DLGAP1: variants seen among roughly 807,000 people sequenced by gnomAD.
The protein encoded by DLGAP1 is disks large-associated protein 1.
A neutral mutation model predicts 90.8 loss-of-function variants in DLGAP1; 11 were observed. The observed-to-expected ratio is 0.12, with a 90% CI of 0.08 to 0.20. The LOEUF is 0.20. Ranked by LOEUF, DLGAP1 falls within the 10% of genes least tolerant of loss-of-function variation. The pLI is 1.00. For synonymous variants in DLGAP1, 558 were observed against 540.7 expected (o/e 1.03, Z -0.44); for missense variants, 1,050 against 1,333.8 (o/e 0.79, Z 3.31).
chr18:3,626,594 T>TTAAAA (rs34579551), intron 7 of DLGAP1, among the ~76,000 whole-genome samples: 3 of 130,550 alleles, frequency 2.3e-5, no homozygotes, highest in African/African-American at 2.7e-5. Flanking sequence ...AAGAACCTGT[T>TTAAAA]AAAAAAAAAA....
rs117283447 is a variant in DLGAP1 at position 4,274,677 on chromosome 18, G to A, written c.-266-123390C>T. 5.9e-5 allele frequency among the ~76,000 whole-genome samples: 9 copies of A among 152,222 alleles called. No homozygotes were observed. In the East Asian group the frequency reaches 1.7e-3, roughly 29 times the overall value. On this transcript the variant is annotated intron_variant, in intron 1 of 12. Coordinates refer to ENST00000315677, the MANE Select transcript of DLGAP1 (RefSeq NM_004746.4). ...TAAATCATTGCAGAAACTTGCACTT[G>A]TAATTTAATAGCATCATAATTCTGA... is the stretch of plus-strand genomic sequence containing the variant.
chr18:3,634,265 A>C (rs1200500654), intron 7 of DLGAP1, among the ~76,000 whole-genome samples: 4 of 152,130 alleles, frequency 2.6e-5, no homozygotes, highest in African/African-American at 9.7e-5. Flanking sequence ...TTAAAGAAAA[A>C]AATCAAATTA....
At chr18:4,092,923 T>C (rs1568392149) in intron 2 of DLGAP1, among the ~76,000 whole-genome samples, 3 of 152,320 alleles carry the variant, frequency 2.0e-5, no homozygotes, top group East Asian at 3.9e-4. Context: ...AAGGTTTAGC[T>C]GATTTCTTCT....
At chr18:4,255,484 T>C (rs1276474833) in intron 1 of DLGAP1, among the ~76,000 whole-genome samples, 2 of 145,812 alleles carry the variant, frequency 1.4e-5, no homozygotes, top group African/African-American at 5.4e-5. Context: ...CATATATATA[T>C]ATATTTATAT....
At chr18:3,896,393 T>G (rs2071625192) in intron 3 of DLGAP1, 1 of 152,026 alleles carries the variant, frequency 6.6e-6, no homozygotes, top group East Asian at 1.9e-4. Flanking sequence ...GAAGAAAGAT[T>G]TAGCTGCTAA....
chr18:4,428,890 A>G (rs1374203491), intron 1 of DLGAP1, among the ~76,000 whole-genome samples: 1 of 152,242 alleles, frequency 6.6e-6, no homozygotes, highest in African/African-American at 2.4e-5. Flanking sequence ...CCACATTAAA[A>G]TAGAAAATGA....
intron 1 of DLGAP1, among the ~76,000 whole-genome samples, chr18:4,178,254 C>T (rs867794358): frequency 6.2e-5 from 8 of 129,846 alleles, no homozygotes; most frequent in Middle Eastern, 7.8e-3. Flanking sequence ...CACACACACA[C>T]ATTAGAGATA....
At chr18:4,249,779 G>A (rs1414393700) in intron 1 of DLGAP1, among the ~76,000 whole-genome samples, 3 of 152,036 alleles carry the variant, frequency 2.0e-5, no homozygotes, top group Non-Finnish European at 4.4e-5. Context: ...GTAGAGACGG[G>A]GGTCTCACTA....
At chr18:4,164,668 A>G (rs2076903914) in intron 1 of DLGAP1, among the ~76,000 whole-genome samples, 1 of 152,152 alleles carries the variant, frequency 6.6e-6, no homozygotes, top group African/African-American at 2.4e-5. Context: ...CAGCAGAGAA[A>G]GACTCTGTCT....
chr18:3,671,160 G>A (rs1359287333), intron 7 of DLGAP1, among the ~76,000 whole-genome samples: 4 of 143,880 alleles, frequency 2.8e-5, no homozygotes, highest in African/African-American at 5.2e-5. Flanking sequence ...ATTCATTCCT[G>A]CTTCTGGCCT....
chr18:4,231,835 G>A lies in DLGAP1; in HGVS notation c.-266-80548C>T, dbSNP rs115247728. ...GAGAGGAAAGAATATTCATAGAGAA[G>A]AAATGAACATTAAATGTCTACAAGA... is the stretch of plus-strand genomic sequence containing the variant. On this transcript the variant is annotated intron_variant, in intron 1 of 12. Transcript: ENST00000315677. Among the ~76,000 whole-genome samples the A allele has an allele frequency of 6.7e-3, 1,023 of 152,196 alleles. 14 individuals are homozygous for A. The highest frequency in any genetic ancestry group is 0.024 in the African/African-American group (982 of 41,538).
chr18:3,512,379 G>C (rs1218501116), intron 10 of DLGAP1, among the ~76,000 whole-genome samples: 1 of 152,092 alleles, frequency 6.6e-6, no homozygotes, highest in Non-Finnish European at 1.5e-5. Flanking sequence ...CTGTCCCTCA[G>C]TGGAAGTACA....
At chr18:3,905,974 A>T (rs985007007) in intron 3 of DLGAP1, among the ~76,000 whole-genome samples, 1 of 152,232 alleles carries the variant, frequency 6.6e-6, no homozygotes, top group Admixed American at 6.5e-5. Flanking sequence ...CCATTGCTTG[A>T]AATGACTGCT....
chr18:3,564,818 T>C (rs1332501275), intron 9 of DLGAP1, among the ~76,000 whole-genome samples: 2 of 152,200 alleles, frequency 1.3e-5, no homozygotes, highest in Non-Finnish European at 2.9e-5. Flanking sequence ...CTGTCTGTTT[T>C]TCCAATTTTG....
chr18:4,156,599 A>C (rs1461953924), intron 1 of DLGAP1, among the ~76,000 whole-genome samples: 1 of 152,202 alleles, frequency 6.6e-6, no homozygotes, highest in Non-Finnish European at 1.5e-5. Context: ...AATGTTGATA[A>C]TCATACTCAG....
chr18:4,060,788 C>T (rs1228826630), intron 2 of DLGAP1, among the ~76,000 whole-genome samples: 2 of 151,846 alleles, frequency 1.3e-5, no homozygotes, highest in African/African-American at 2.4e-5. Flanking sequence ...AAATTCTTGT[C>T]CTAAAGCAAA....
At chr18:4,453,509 G>A (rs559899160) in intron 1 of DLGAP1, among the ~76,000 whole-genome samples, 3 of 152,122 alleles carry the variant, frequency 2.0e-5, no homozygotes, top group Non-Finnish European at 4.4e-5. Flanking sequence ...TTCCTGAACT[G>A]AAATCGTGCT....
chr18:4,054,326 A>G (rs7243540), intron 2 of DLGAP1, among the ~76,000 whole-genome samples: 87,400 of 151,972 alleles, frequency 0.58, 25,334 homozygotes, highest in East Asian at 0.65. Context: ...TTTTTTCTCA[A>G]TAATTTTAAT....
At chr18:3,957,385 A>G (rs1387604476) in intron 3 of DLGAP1, among the ~76,000 whole-genome samples, 2 of 152,134 alleles carry the variant, frequency 1.3e-5, no homozygotes, top group Non-Finnish European at 2.9e-5. Context: ...CCTCTTTTGA[A>G]TTTCTGACCT....
Sources: allele counts gnomAD v4.1 joint callset (sites outside exome capture counted in the v4.1 genomes callset), GRCh38; gene constraint gnomAD v4.1.1; transcripts MANE v1.5; gene names NCBI Gene and HGNC (gene_info 2026-07-23, HGNC 2026-07-21).